FXN: variants seen among roughly 807,000 people sequenced by gnomAD.
FXN encodes the protein frataxin, mitochondrial.
Under a neutral mutation model 22.4 loss-of-function variants are expected in FXN, and 14 were observed. The ratio of observed to expected loss-of-function variants is 0.62; its 90% CI spans 0.41 to 0.98. FXN has a LOEUF of 0.98. Among genes scored for constraint, FXN ranks in the 50% least tolerant of loss-of-function variants. FXN has a pLI of 0.00. For synonymous variants in FXN, 120 were observed against 114.1 expected (o/e 1.05, Z -0.33); for missense variants, 267 against 268.4 (o/e 0.99, Z 0.04).
chr9:69,050,681 A>G (rs1831833401), intron 2 of FXN, among the ~76,000 whole-genome samples: 1 of 152,226 alleles, frequency 6.6e-6, no homozygotes, highest in Non-Finnish European at 1.5e-5. Flanking sequence ...AAATGCATTC[A>G]ACTTTAGTAG....
Position 69,074,892 on chromosome 9 carries a change from GT to G in FXN, c.*2133del. ...TGAGAAAATAAATAACATCATACAT[GT>G]TTGTATGTGTTTGCATCTTGCTTCT... On this transcript the variant is annotated 3_prime_UTR_variant, in exon 5 of 5. Coordinates refer to ENST00000484259, the MANE Select transcript of FXN (RefSeq NM_000144.5). The G allele has an allele frequency of 7.1e-6, 7 of 985,286 alleles. No homozygotes were observed. Among genetic ancestry groups the G allele is most frequent in the Non-Finnish European group, 8.4e-6 (7 of 829,814 alleles). 61.0% of individuals were successfully genotyped at this position (985,286 alleles called of 1,614,324 possible). A position where few individuals can be genotyped will look rare whatever the true frequency, so the allele number is the denominator to read the frequency against.
In FXN at chr9:69,042,028, G is replaced by A. The variant is rs11144900; in HGVS notation, c.166-4357G>A. Among the ~76,000 whole-genome samples, 529 of 152,192 alleles carry A rather than the reference G, an allele frequency of 3.5e-3. 3 individuals are homozygous for A. Among genetic ancestry groups the A allele is most frequent in the African/African-American group, 0.012 (506 of 41,528 alleles). Reference sequence around the variant, plus strand: ...GAGGCCAAGGTGGGTGGATCATGAGGTCAGGAGTGAGACCAGCCTGACCAA... The same window carrying A: ...GAGGCCAAGGTGGGTGGATCATGAGATCAGGAGTGAGACCAGCCTGACCAA... On this transcript the variant is annotated intron_variant, in intron 1 of 4. Coordinates refer to ENST00000484259, the MANE Select transcript of FXN (RefSeq NM_000144.5).
At chr9:69,037,852 A>G (rs1465878403) in intron 1 of FXN, among the ~76,000 whole-genome samples, 4 of 152,138 alleles carry the variant, frequency 2.6e-5, no homozygotes, top group East Asian at 3.9e-4. Flanking sequence ...AGATTTCTCC[A>G]TGTTGGTCAG....
chr9:69,037,180 T>A (rs1831565864), intron 1 of FXN, among the ~76,000 whole-genome samples: 1 of 145,038 alleles, frequency 6.9e-6, no homozygotes, highest in Non-Finnish European at 1.6e-5. Context: ...TCTCAGCACT[T>A]TGGGAGGCCT....
At position 69,065,148 on chromosome 9, in the gene FXN, C is replaced by A. The variant is rs1035565296; in HGVS notation, c.482+113C>A. On this transcript the variant is annotated intron_variant, in intron 4 of 4. Coordinates refer to ENST00000484259, the MANE Select transcript of FXN (RefSeq NM_000144.5). Reference sequence around the variant, plus strand: ...GAGCACAGTGGCTGACACCTGTAATCCCAACACTTTGAGAGGCTGAGGTAG... The same window carrying A: ...GAGCACAGTGGCTGACACCTGTAATACCAACACTTTGAGAGGCTGAGGTAG... The A allele has an allele frequency of 5.2e-5, 42 of 805,748 alleles. No homozygotes were observed. The Middle Eastern group carries it at 6.8e-4, about 13-fold the overall frequency. 49.9% of individuals were successfully genotyped at this position (805,748 alleles called of 1,614,324 possible).
At chr9:69,059,376 G>C (rs907375851) in intron 3 of FXN, among the ~76,000 whole-genome samples, 1 of 139,714 alleles carries the variant, frequency 7.2e-6, no homozygotes, top group African/African-American at 2.6e-5. Context: ...AAAAACCCCT[G>C]CTCAGAGGCA....
At chr9:69,058,123 A>G (rs1831995466) in intron 3 of FXN, among the ~76,000 whole-genome samples, 1 of 152,142 alleles carries the variant, frequency 6.6e-6, no homozygotes, top group African/African-American at 2.4e-5. Flanking sequence ...CCAAGAGGAC[A>G]TCTGTTCTTT....
intron 1 of FXN, among the ~76,000 whole-genome samples, chr9:69,039,531 G>A (rs974185555): frequency 6.6e-6 from 1 of 152,148 alleles, no homozygotes; most frequent in African/African-American, 2.4e-5. Flanking sequence ...CTACCTGGAG[G>A]CTGGGAAGGA....
chr9:69,048,907 C>G (rs1831805313), intron 2 of FXN, among the ~76,000 whole-genome samples: 1 of 152,352 alleles, frequency 6.6e-6, no homozygotes. Flanking sequence ...TGTTCATTGA[C>G]TTTGCCACAG....
Position 69,065,540 on chromosome 9 carries a change from C to CA in FXN, c.482+520dup, listed in dbSNP as rs34769489. ...TGGGCAACAGGGCCAGACCCTGTCC[C>CA]AAAAAAAAAAAAAAAGTCATCGTCT... is the stretch of plus-strand genomic sequence containing the variant. On this transcript the variant is annotated intron_variant, in intron 4 of 4. Coordinates refer to ENST00000484259, the MANE Select transcript of FXN (RefSeq NM_000144.5). Among the ~76,000 whole-genome samples the CA allele has an allele frequency of 4.8e-3, 679 of 140,614 alleles. 20 individuals carry two copies. Among genetic ancestry groups the CA allele is most frequent in the Middle Eastern group, 0.023 (6 of 260 alleles). 92.2% of individuals were successfully genotyped at this position (140,614 alleles called of 152,430 possible). A position where few individuals can be genotyped will look rare whatever the true frequency, so the allele number is the denominator to read the frequency against.
At chr9:69,058,397 C>CTT (rs11394941) in intron 3 of FXN, among the ~76,000 whole-genome samples, 1 of 151,740 alleles carries the variant, frequency 6.6e-6, no homozygotes, top group Non-Finnish European at 1.5e-5. Flanking sequence ...AGGCTGACCT[C>CTT]TTTTTTTTCC....
rs149569204 is a variant in FXN, at chr9:69,058,318, C to A, written c.384+5058C>A. 6.0e-4 allele frequency among the ~76,000 whole-genome samples: 92 copies of A among 152,234 alleles called. 1 individual carries two copies. Among genetic ancestry groups the A allele is most frequent in the African/African-American group, 2.2e-3 (90 of 41,552 alleles). ...CTTGTCACTAGGCAGCTGTGGAGTC[C>A]GCTCTACTTGACCTAGTAAAATCTG... On this transcript the variant is annotated intron_variant, in intron 3 of 4. Transcript: ENST00000484259.
At chr9:69,056,721 T>C (rs1001918201) in intron 3 of FXN, among the ~76,000 whole-genome samples, 10 of 151,860 alleles carry the variant, frequency 6.6e-5, no homozygotes, top group Admixed American at 6.6e-4. Flanking sequence ...GATGAGTTGA[T>C]ACCAGTGGTG....
intron 4 of FXN, among the ~76,000 whole-genome samples, chr9:69,067,280 A>G (rs1005574794): frequency 1.3e-5 from 2 of 152,250 alleles, no homozygotes; most frequent in African/African-American, 4.8e-5. Context: ...AGCAGGACCC[A>G]GGCCGTTCTG....
Position 69,076,805 on chromosome 9 carries a change from C to T in FXN, c.*4043C>T, listed in dbSNP as rs1832378294. 1.0e-6 allele frequency: 1 copy of T among 985,332 alleles called. No homozygotes were observed. Among genetic ancestry groups the T allele is most frequent in the African/African-American group, 1.7e-5 (1 of 57,238 alleles). The allele number at this position is 985,332 out of a possible 1,614,324, so 61.0% of individuals were successfully genotyped here. A position where few individuals can be genotyped will look rare whatever the true frequency, so the allele number is the denominator to read the frequency against. Reference sequence around the variant, plus strand: ...TATCTTCTGCTAGAACAAACTAAAACAGCTACATGCCAGCAAGGGAGAAAG... The same window carrying T: ...TATCTTCTGCTAGAACAAACTAAAATAGCTACATGCCAGCAAGGGAGAAAG... On this transcript the variant is annotated 3_prime_UTR_variant, in exon 5 of 5. Transcript: ENST00000484259.
intron 4 of FXN, among the ~76,000 whole-genome samples, chr9:69,069,862 A>C (rs1171036014): frequency 6.6e-6 from 1 of 152,214 alleles, no homozygotes; most frequent in Non-Finnish European, 1.5e-5. Context: ...TGTCACACCC[A>C]TGACCACTAC....
chr9:69,052,537 ATTTT>A (rs56938732), intron 2 of FXN, among the ~76,000 whole-genome samples: 5 of 63,240 alleles, frequency 7.9e-5, no homozygotes, highest in Non-Finnish European at 9.1e-5. Context: ...TGCTGTTTAA[ATTTT>A]TTTTTTTTTT....
intron 1 of FXN, among the ~76,000 whole-genome samples, chr9:69,038,922 T>G (rs375519394): frequency 8.5e-5 from 13 of 152,256 alleles, no homozygotes; most frequent in African/African-American, 3.1e-4. Flanking sequence ...CAATTAAAAA[T>G]GAAGGTTCAC....
At chr9:69,068,536 G>A (rs1197894616) in intron 4 of FXN, among the ~76,000 whole-genome samples, 2 of 152,240 alleles carry the variant, frequency 1.3e-5, no homozygotes, top group Non-Finnish European at 2.9e-5. Flanking sequence ...TGGCCGCCAC[G>A]ACATGCCAAC....
Sources: gnomAD v4.1 joint callset for allele counts (sites outside exome capture counted in the v4.1 genomes callset) on GRCh38, gnomAD v4.1.1 for gene constraint, MANE v1.5 for transcripts, NCBI Gene and HGNC (gene_info 2026-07-23, HGNC 2026-07-21) for gene names.